DMGDH: variants seen among roughly 807,000 people sequenced by gnomAD.
DMGDH encodes the protein dimethylglycine dehydrogenase.
Under a neutral mutation model 95.2 loss-of-function variants are expected in DMGDH, and 76 were observed. The observed-to-expected ratio is 0.80, with a 90% confidence interval of 0.66 to 0.97. DMGDH has a LOEUF of 0.97. DMGDH is among the 50% of genes least tolerant of loss of function. The pLI is 0.00. For synonymous variants in DMGDH, 345 were observed against 377.6 expected (o/e 0.91, Z 1.00); for missense variants, 987 against 1,055.0 (o/e 0.94, Z 0.89).
At chr5:78,999,166 C>T (rs1046683429) in intron 15 of DMGDH, among the ~76,000 whole-genome samples, 4 of 152,206 alleles carry the variant, frequency 2.6e-5, no homozygotes, top group African/African-American at 7.2e-5. Flanking sequence ...TCAGCTGCCT[C>T]AGCAAAGAGC....
At chr5:79,059,835 C>T (rs1003295626) in intron 2 of DMGDH, among the ~76,000 whole-genome samples, 2 of 152,218 alleles carry the variant, frequency 1.3e-5, no homozygotes, top group South Asian at 2.1e-4. Flanking sequence ...CAGCCATTTG[C>T]ATTCACAACT....
chr5:79,067,081 G>C (rs1755403009), intron 1 of DMGDH, among the ~76,000 whole-genome samples: 1 of 152,122 alleles, frequency 6.6e-6, no homozygotes, highest in African/African-American at 2.4e-5. Flanking sequence ...TCCATTACTA[G>C]TCATCATTTA....
At chr5:79,019,810 G>C (rs1314928557) in intron 14 of DMGDH, among the ~76,000 whole-genome samples, 1 of 152,178 alleles carries the variant, frequency 6.6e-6, no homozygotes, top group East Asian at 1.9e-4. Context: ...GCTTGAACCT[G>C]GGAGGCGAAG....
Position 78,998,204 on chromosome 5 carries a change from G to T in DMGDH, c.2479C>A (p.Gln827Lys), listed in dbSNP as rs763356616. The change falls in exon 16 of 16, where the codon CAG (glutamine) becomes AAG (lysine). Residue 827 changes from glutamine to lysine, a missense_variant. Transcript: ENST00000255189. Reference protein sequence around the residue: ...YVPVQLSEVGQQVEVELLGKN... With the variant: ...YVPVQLSEVGKQVEVELLGKN... ...CCTAATAGTTCAACTTCCACTTGCT[G>T]TCCCACTTCACTTAGTTGTACAGGG... 88 of 1,613,992 alleles carry T rather than the reference G, an allele frequency of 5.5e-5. No individual in the cohort carries two copies. Among genetic ancestry groups the T allele is most frequent in the Non-Finnish European group, 7.0e-5 (83 of 1,180,040 alleles).
intron 2 of DMGDH, 98 bp downstream of exon 2, chr5:79,063,515 C>T (rs1396272506): frequency 2.1e-6 from 3 of 1,454,744 alleles, no homozygotes; most frequent in South Asian, 1.1e-5. Flanking sequence ...GGGGAACGCA[C>T]TCTAAAGAGC....
At position 79,030,056 on chromosome 5, in the gene DMGDH, T is replaced by C. The variant is rs41272268; in HGVS notation, c.1684-22A>G. On this transcript the variant is annotated intron_variant, in intron 10 of 15. Coordinates refer to ENST00000255189, the MANE Select transcript of DMGDH (RefSeq NM_013391.3). The stretch of plus-strand genomic sequence containing the variant: ...CCACCTACATAAAAAAATTAAAAAT[T>C]ACCTTAGGATGAACTAAAAATCACA... 71,329 of 1,602,088 alleles carry C rather than the reference T, an allele frequency of 0.045. 1,762 individuals carry two copies. The highest frequency in any genetic ancestry group is 0.059 in the Middle Eastern group (357 of 6,020).
chr5:79,052,443 G>C (rs1754895886), intron 4 of DMGDH, among the ~76,000 whole-genome samples: 1 of 152,210 alleles, frequency 6.6e-6, no homozygotes, highest in South Asian at 2.1e-4. Context: ...GGTTTTCTTT[G>C]TGGGAAGTTT....
chr5:79,032,753 A>G lies in DMGDH; in HGVS notation c.1451T>C (p.Met484Thr), dbSNP rs1754222987. The change falls in exon 9 of 16, where the codon ATG becomes ACG. Residue 484 changes from methionine (M) to threonine (T), a missense_variant. Met to Thr is a moderately conservative substitution (Grantham distance 81). Transcript: ENST00000255189. ...LYQRLESKCS[M>T]GFHAGWEQPH... Reference sequence around the variant, plus strand: ...CTGCTCCCAGCCAGCATGGAACCCCATGGAACACTTAGACTCCAGCCTTTG... The same window carrying G: ...CTGCTCCCAGCCAGCATGGAACCCCGTGGAACACTTAGACTCCAGCCTTTG... 1 of 1,614,040 alleles carries G rather than the reference A, an allele frequency of 6.2e-7. No homozygotes were observed.
At chr5:79,042,744 G>T (rs1754546754) in intron 6 of DMGDH, among the ~76,000 whole-genome samples, 1 of 150,098 alleles carries the variant, frequency 6.7e-6, no homozygotes, top group African/African-American at 2.5e-5. Flanking sequence ...GAATAATATA[G>T]TTTCTGATAT....
chr5:79,000,831 G>A (rs2112596490), intron 15 of DMGDH: 2 of 631,658 alleles, frequency 3.2e-6, no homozygotes, highest in African/African-American at 1.8e-5. Context: ...GAACCAGATG[G>A]GGTGGCCACA....
At chr5:79,032,517 G>A (rs1754207935) in intron 9 of DMGDH, among the ~76,000 whole-genome samples, 170 bp downstream of exon 9, 1 of 152,192 alleles carries the variant, frequency 6.6e-6, no homozygotes, top group South Asian at 2.1e-4. Flanking sequence ...CCAGTGTCTC[G>A]TGGGCTAGAC....
chr5:79,010,695 T>G (rs1753633271), intron 14 of DMGDH, among the ~76,000 whole-genome samples: 2 of 152,186 alleles, frequency 1.3e-5, no homozygotes. Flanking sequence ...TTTAAATTTA[T>G]AAAACTTTTG....
rs768881435 is a variant in DMGDH, at chr5:79,042,299, C to A, written c.1177G>T (p.Val393Leu). 1 of 1,614,144 alleles carries A rather than the reference C, an allele frequency of 6.2e-7. No homozygotes were observed. The highest frequency in any genetic ancestry group is 1.3e-5 in the African/African-American group (1 of 75,040). ...GATACTTACCCAAAGCCTATAGCCA[C>A]CCAGTAGTTTCTGACCCCCTGATGG... Reference protein sequence around the residue: ...GPHQGVRNYWVAIGFGYGIIH... With the variant: ...GPHQGVRNYWLAIGFGYGIIH... The change falls in exon 7 of 16, where the codon GTG (valine) becomes TTG (leucine). Residue 393 changes from valine to leucine, a missense_variant. Coordinates refer to ENST00000255189, the MANE Select transcript of DMGDH (RefSeq NM_013391.3).
At chr5:79,052,644 CAT>C (rs1415510054) in intron 4 of DMGDH, among the ~76,000 whole-genome samples, 1 of 152,226 alleles carries the variant, frequency 6.6e-6, no homozygotes, top group African/African-American at 2.4e-5. Flanking sequence ...ACCCTTCACA[CAT>C]ATTCCCATTG....
intron 14 of DMGDH, among the ~76,000 whole-genome samples, chr5:79,023,813 G>T (rs1236149974): frequency 2.0e-5 from 3 of 152,228 alleles, no homozygotes; most frequent in Admixed American, 6.5e-5. Context: ...AAAGATGCTT[G>T]ATAAGCAGAT....
chr5:79,002,649 A>T (rs1307047423), intron 15 of DMGDH, among the ~76,000 whole-genome samples: 1 of 152,276 alleles, frequency 6.6e-6, no homozygotes, highest in Non-Finnish European at 1.5e-5. Flanking sequence ...GTCAATAAAC[A>T]AATACATTTG....
chr5:79,026,431 C>T lies in DMGDH; in HGVS notation c.2183G>A (p.Gly728Glu). The change falls in exon 13 of 16, where the codon GGG becomes GAG. Residue 728 changes from glycine to glutamate, a missense_variant. Coordinates refer to ENST00000255189, the MANE Select transcript of DMGDH (RefSeq NM_013391.3). ...GATGCTAGCATTTCAAACCTCTAACCCCCAGGCTCTGAAGGCTTTCTCCAG... is the reference window on the plus strand; with the variant it reads ...GATGCTAGCATTTCAAACCTCTAACTCCCAGGCTCTGAAGGCTTTCTCCAG... The part of the protein sequence containing the change: ...LRLEKAFRAW[G>E]LEMNCDTNPL... The T allele has an allele frequency of 1.9e-6, 3 of 1,614,072 alleles. No homozygotes were observed. The highest frequency in any genetic ancestry group is 2.5e-6 in the Non-Finnish European group (3 of 1,180,002).
intron 1 of DMGDH, among the ~76,000 whole-genome samples, chr5:79,069,002 T>G (rs1246861053): frequency 1.3e-5 from 2 of 152,226 alleles, no homozygotes; most frequent in African/African-American, 4.8e-5. Flanking sequence ...GACTCCCATA[T>G]GTACTCAAAG....
intron 10 of DMGDH, 83 bp downstream of exon 10, chr5:79,030,750 A>G: frequency 7.0e-7 from 1 of 1,425,430 alleles, no homozygotes; most frequent in South Asian, 1.2e-5. Context: ...TCCAGAAATC[A>G]TTAGGTGAAC....
Sources: allele counts gnomAD v4.1 joint callset (sites outside exome capture counted in the v4.1 genomes callset), GRCh38; gene constraint gnomAD v4.1.1; transcripts MANE v1.5; gene names NCBI Gene and HGNC (gene_info 2026-07-23, HGNC 2026-07-21).